Variants in SEMA4D observed in about 807,000 individuals in gnomAD.
SEMA4D encodes semaphorin 4D.
In SEMA4D, 22 loss-of-function variants were observed where a neutral mutation model predicts 74.8. The ratio of observed to expected loss-of-function variants is 0.29; its 90% confidence interval spans 0.21 to 0.42. The LOEUF is 0.42. SEMA4D is among the 10% of genes least tolerant of loss of function. SEMA4D has a pLI of 1.00. For missense variants in SEMA4D, 937 were observed against 1,118.4 expected (o/e 0.84, Z 2.31); for synonymous variants, 445 against 463.7 (o/e 0.96, Z 0.52).
At chr9:89,448,166 GGGTCTC>G (rs1853436332) in intron 2 of SEMA4D, among the ~76,000 whole-genome samples, 1 of 152,112 alleles carries the variant, frequency 6.6e-6, no homozygotes, top group Admixed American at 6.6e-5. Flanking sequence ...ATAGAGATGA[GGGTCTC>G]ACTATGTTGC....
intron 2 of SEMA4D, among the ~76,000 whole-genome samples, chr9:89,408,696 G>A (rs1205064604): frequency 6.6e-6 from 1 of 152,136 alleles, no homozygotes; most frequent in Non-Finnish European, 1.5e-5. Context: ...CCTGCGGCAG[G>A]CAGGGCCTTG....
intron 17 of SEMA4D, chr9:89,363,543 G>A (rs750562425): frequency 6.2e-7 from 1 of 1,613,714 alleles, no homozygotes; most frequent in Admixed American, 1.7e-5. Context: ...AAACAAGCAG[G>A]GTCCCCAGGT....
At chr9:89,371,309 GTGGTGTGTGTGGGGT>G (rs1426489095) in intron 16 of SEMA4D, among the ~76,000 whole-genome samples, 5 of 142,236 alleles carry the variant, frequency 3.5e-5, no homozygotes, top group Admixed American at 6.9e-5. Flanking sequence ...TGTCTGGGGT[GTGGTGTGTGTGGGGT>G]TGGTGTGTGT....
At chr9:89,497,714 G>A (rs1239544528) in intron 1 of SEMA4D, among the ~76,000 whole-genome samples, 1 of 151,292 alleles carries the variant, frequency 6.6e-6, no homozygotes, top group African/African-American at 2.4e-5. Flanking sequence ...AGGCGTCCCA[G>A]GAGGGGCCCC....
At chr9:89,428,566 G>T (rs571781478) in intron 2 of SEMA4D, among the ~76,000 whole-genome samples, 40 of 152,064 alleles carry the variant, frequency 2.6e-4, no homozygotes, top group African/African-American at 7.5e-4. Context: ...AGGAGAATGA[G>T]GCACAGGCAT....
intron 2 of SEMA4D, among the ~76,000 whole-genome samples, chr9:89,406,165 T>C (rs920207442): frequency 2.6e-5 from 4 of 152,194 alleles, no homozygotes; most frequent in Non-Finnish European, 2.9e-5. Context: ...AAGATGTACA[T>C]GTGAGTGCAC....
At chr9:89,491,063 G>GTA (rs368291379) in intron 1 of SEMA4D, among the ~76,000 whole-genome samples, 1 of 152,148 alleles carries the variant, frequency 6.6e-6, no homozygotes, top group Non-Finnish European at 1.5e-5. Context: ...AGTTAGCTGT[G>GTA]TTTGAAGTGA....
At chr9:89,456,418 T>G (rs986152289) in intron 1 of SEMA4D, among the ~76,000 whole-genome samples, 1 of 152,328 alleles carries the variant, frequency 6.6e-6, no homozygotes, top group East Asian at 1.9e-4. Flanking sequence ...AGTCCCTAAT[T>G]TAAAATCACA....
chr9:89,400,785 TTTTTC>T (rs55681206), intron 4 of SEMA4D, among the ~76,000 whole-genome samples: 12,133 of 152,076 alleles, frequency 0.08, 659 homozygotes, highest in Non-Finnish European at 0.12. Context: ...TCTCTTTATT[TTTTTC>T]TTTTAAGTAT....
chr9:89,418,925 G>A (rs1025438755), intron 2 of SEMA4D: 1 of 152,036 alleles, frequency 6.6e-6, no homozygotes, highest in African/African-American at 2.4e-5. Context: ...ATATGATCAC[G>A]GCTCTTTTTT....
intron 1 of SEMA4D, among the ~76,000 whole-genome samples, chr9:89,473,860 C>T (rs1181361533): frequency 1.6e-4 from 25 of 152,004 alleles, no homozygotes; most frequent in Admixed American, 1.6e-3. Flanking sequence ...AAAAACAAAA[C>T]AAAACAAAAC....
chr9:89,365,118 A>G (rs925522504), intron 16 of SEMA4D: 2 of 152,316 alleles, frequency 1.3e-5, no homozygotes, highest in Non-Finnish European at 2.9e-5. Context: ...TGCTTCGCAC[A>G]CTGGCTTCCA....
chr9:89,399,720 G>A (rs1003801325), intron 4 of SEMA4D, among the ~76,000 whole-genome samples: 6 of 151,764 alleles, frequency 4.0e-5, no homozygotes, highest in Admixed American at 2.0e-4. Context: ...TCTACAGGCC[G>A]GGCGCAGTGG....
chr9:89,494,393 G>A (rs1825849360), intron 1 of SEMA4D, among the ~76,000 whole-genome samples: 1 of 152,074 alleles, frequency 6.6e-6, no homozygotes, highest in African/African-American at 2.4e-5. Context: ...TAGAGCCTGG[G>A]GCAGCGCCTG....
At chr9:89,370,850 G>C in intron 16 of SEMA4D, among the ~76,000 whole-genome samples, 1 of 143,948 alleles carries the variant, frequency 6.9e-6, no homozygotes, top group Admixed American at 6.9e-5. Flanking sequence ...TGTGTCGGGC[G>C]TGTGTGTGTG....
At chr9:89,476,212 C>G (rs1861705377) in intron 1 of SEMA4D, among the ~76,000 whole-genome samples, 1 of 152,174 alleles carries the variant, frequency 6.6e-6, no homozygotes, top group African/African-American at 2.4e-5. Flanking sequence ...CTTCTGGGAG[C>G]AGGGCAACAC....
chr9:89,425,993 A>G (rs1172154987), intron 2 of SEMA4D, among the ~76,000 whole-genome samples: 3 of 152,256 alleles, frequency 2.0e-5, no homozygotes, highest in Admixed American at 6.5e-5. Context: ...AGAATCTGCC[A>G]GAACCATCCA....
chr9:89,414,207 G>A (rs778294461), intron 2 of SEMA4D, among the ~76,000 whole-genome samples: 1 of 152,186 alleles, frequency 6.6e-6, no homozygotes, highest in Non-Finnish European at 1.5e-5. Context: ...GGCATCCCAG[G>A]GAAACTGAAA....
chr9:89,443,088 G>A (rs1449945656), intron 2 of SEMA4D, among the ~76,000 whole-genome samples: 5 of 152,190 alleles, frequency 3.3e-5, no homozygotes, highest in African/African-American at 1.2e-4. Flanking sequence ...CCAGGAGGAA[G>A]GCGGCTCTTC....
Sources: gnomAD v4.1 joint callset for allele counts (sites outside exome capture counted in the v4.1 genomes callset) on GRCh38, gnomAD v4.1.1 for gene constraint, MANE v1.5 for transcripts, NCBI Gene and HGNC (gene_info 2026-07-23, HGNC 2026-07-21) for gene names.